The following ATXN1 variants were observed in gnomAD, a reference collection of about 807,000 sequenced individuals.
ATXN1 encodes the protein ataxin 1.
In ATXN1, 8 loss-of-function variants were observed where a neutral mutation model predicts 56.4. The ratio of observed to expected loss-of-function variants is 0.14; its 90% CI spans 0.08 to 0.26. The LOEUF is 0.26. Ranked by LOEUF, ATXN1 falls within the 10% of genes least tolerant of loss-of-function variation. ATXN1 has a pLI of 1.00. For missense variants in ATXN1, 987 were observed against 1,106.5 expected, an observed-to-expected ratio of 0.89 and a Z score of 1.53; for synonymous variants, 514 against 494.6, an observed-to-expected ratio of 1.04 and a Z score of -0.52.
At chr6:16,355,237 G>A (rs181854773) in intron 6 of ATXN1, among the ~76,000 whole-genome samples, 3 of 152,168 alleles carry the variant, frequency 2.0e-5, no homozygotes, top group Admixed American at 6.5e-5. Context: ...CACAGATGCC[G>A]CTGTACTTTT....
intron 6 of ATXN1, among the ~76,000 whole-genome samples, chr6:16,430,432 T>C (rs1759255870): frequency 6.6e-6 from 1 of 152,156 alleles, no homozygotes; most frequent in Non-Finnish European, 1.5e-5. Flanking sequence ...ACAGTTATTA[T>C]GAGTAATTAG....
At chr6:16,601,585 T>G (rs1762912194) in intron 3 of ATXN1, among the ~76,000 whole-genome samples, 1 of 152,188 alleles carries the variant, frequency 6.6e-6, no homozygotes, top group Non-Finnish European at 1.5e-5. Context: ...GCGCAGTGGC[T>G]CACGCCTGTA....
chr6:16,416,260 T>G (rs895261101), intron 6 of ATXN1, among the ~76,000 whole-genome samples: 1 of 152,196 alleles, frequency 6.6e-6, no homozygotes, highest in African/African-American at 2.4e-5. Context: ...TGCAACTTAT[T>G]TTCTTAGAAG....
chr6:16,350,842 GGAGGCC>G (rs1396811646), intron 6 of ATXN1, among the ~76,000 whole-genome samples: 3 of 152,174 alleles, frequency 2.0e-5, no homozygotes, highest in African/African-American at 4.8e-5. Context: ...CAGCACTTCA[GGAGGCC>G]GAGGCAGGAG....
chr6:16,487,837 T>C (rs1760580730), intron 5 of ATXN1, among the ~76,000 whole-genome samples: 2 of 152,188 alleles, frequency 1.3e-5, no homozygotes, highest in African/African-American at 4.8e-5. Context: ...AAGGCTTCTC[T>C]TACAAAACTA....
At position 16,426,974 on chromosome 6, in the gene ATXN1, C is replaced by T. The variant is rs116492549; in HGVS notation, c.-161+58998G>A. 4.0e-3 allele frequency among the ~76,000 whole-genome samples: 616 copies of T among 152,130 alleles called. 2 individuals carry two copies. The highest frequency in any genetic ancestry group is 0.014 in the African/African-American group (587 of 41,490). On this transcript the variant is annotated intron_variant, in intron 6 of 7. Transcript: ENST00000436367. ...AAGCTCAGAACAAGCCCTTCAATGC[C>T]GCTCACCTAAAGCCCCGCCCCCTCA... is the stretch of plus-strand genomic sequence containing the variant.
At chr6:16,668,944 T>C (rs2113378462) in intron 2 of ATXN1, among the ~76,000 whole-genome samples, 1 of 152,274 alleles carries the variant, frequency 6.6e-6, no homozygotes, top group South Asian at 2.1e-4. Flanking sequence ...GATGACAGAC[T>C]GCAGGAAGCC....
intron 4 of ATXN1, among the ~76,000 whole-genome samples, chr6:16,581,345 G>A (rs1762527250): frequency 6.6e-6 from 1 of 152,008 alleles, no homozygotes; most frequent in South Asian, 2.1e-4. Context: ...AGAGTACGTG[G>A]TGGATGTTTG....
At chr6:16,537,855 C>A (rs1402394603) in intron 4 of ATXN1, among the ~76,000 whole-genome samples, 3 of 152,128 alleles carry the variant, frequency 2.0e-5, no homozygotes, top group Non-Finnish European at 2.9e-5. Flanking sequence ...GTAATACCAG[C>A]ACTTTGGGAG....
At position 16,331,008 on chromosome 6, in the gene ATXN1, G is replaced by GT. The variant is rs551329133; in HGVS notation, c.-160-2539dup. Among the ~76,000 whole-genome samples, 849 of 149,200 alleles carry GT rather than the reference G, an allele frequency of 5.7e-3. 3 individuals are homozygous for GT. Among genetic ancestry groups the GT allele is most frequent in the Admixed American group, 7.9e-3 (118 of 14,962 alleles). ...ACTTATTTACTCTCGCAACCCAGGT[G>GT]TTTTTTTTTTGAGATGGAGTCTCAC... On this transcript the variant is annotated intron_variant, in intron 6 of 7. Transcript: ENST00000436367.
chr6:16,649,046 G>C (rs67194841), intron 3 of ATXN1, among the ~76,000 whole-genome samples: 6,935 of 152,004 alleles, frequency 0.046, 347 homozygotes, highest in African/African-American at 0.12. Flanking sequence ...GATGTGAGCA[G>C]CGTGCCTCAC....
intron 5 of ATXN1, among the ~76,000 whole-genome samples, chr6:16,521,512 C>T (rs1242091380): frequency 1.3e-5 from 2 of 152,166 alleles, no homozygotes; most frequent in East Asian, 1.9e-4. Flanking sequence ...GAGCCGAGAT[C>T]GTGCCACTGC....
At chr6:16,536,452 A>G (rs756561563) in intron 4 of ATXN1, among the ~76,000 whole-genome samples, 27 of 152,198 alleles carry the variant, frequency 1.8e-4, no homozygotes, top group Non-Finnish European at 3.5e-4. Context: ...TTCACTGTAC[A>G]ATTCTTACAA....
intron 2 of ATXN1, among the ~76,000 whole-genome samples, chr6:16,664,751 AT>A (rs1758391215): frequency 6.6e-6 from 1 of 152,036 alleles, no homozygotes; most frequent in East Asian, 1.9e-4. Flanking sequence ...TGGGTCCTCA[AT>A]AAATTTTAAG....
Position 16,428,118 on chromosome 6 carries a change from C to CTTT in ATXN1, c.-161+57851_-161+57853dup, listed in dbSNP as rs10650162. Among the ~76,000 whole-genome samples, 343 of 133,494 alleles carry CTTT rather than the reference C, an allele frequency of 2.6e-3. 4 individuals are homozygous for CTTT. Among genetic ancestry groups the CTTT allele is most frequent in the African/African-American group, 3.4e-3 (120 of 35,208 alleles). 87.6% of individuals were successfully genotyped at this position (133,494 alleles called of 152,430 possible). A position where few individuals can be genotyped will look rare whatever the true frequency, so the allele number is the denominator to read the frequency against. ...GCCTCTTGTCTCTGGTAGACCAGGC[C>CTTT]TTTTTTTTTTTTTTTCTGAGATGTA... On this transcript the variant is annotated intron_variant, in intron 6 of 7. Transcript: ENST00000436367.
chr6:16,705,159 G>A (rs192920977), intron 2 of ATXN1, among the ~76,000 whole-genome samples: 1 of 152,212 alleles, frequency 6.6e-6, no homozygotes, highest in African/African-American at 2.4e-5. Flanking sequence ...GGACTTGGGG[G>A]AGGGCTAAAG....
chr6:16,729,834 G>A (rs141056728), intron 2 of ATXN1, among the ~76,000 whole-genome samples: 1,821 of 152,334 alleles, frequency 0.012, 17 homozygotes, highest in African/African-American at 0.021. Context: ...ATGGCCCTCT[G>A]AACATCAGTC....
chr6:16,724,242 T>C (rs1451854345), intron 2 of ATXN1, among the ~76,000 whole-genome samples: 2 of 152,102 alleles, frequency 1.3e-5, no homozygotes, highest in African/African-American at 2.4e-5. Flanking sequence ...GGAAAAATAT[T>C]ACTGGCACCA....
At chr6:16,742,105 C>T (rs925381978) in intron 2 of ATXN1, among the ~76,000 whole-genome samples, 2 of 152,074 alleles carry the variant, frequency 1.3e-5, no homozygotes, top group Non-Finnish European at 2.9e-5. Flanking sequence ...ATAACCATGG[C>T]ATTTTTTTCT....
Sources: allele counts gnomAD v4.1 joint callset (sites outside exome capture counted in the v4.1 genomes callset), GRCh38; gene constraint gnomAD v4.1.1; transcripts MANE v1.5; gene names NCBI Gene and HGNC (gene_info 2026-07-23, HGNC 2026-07-21).